The following FRMD3 variants were observed in gnomAD, a reference collection of about 807,000 sequenced individuals.
FRMD3 encodes FERM domain containing 3.
Under a neutral mutation model 70.2 loss-of-function variants are expected in FRMD3, and 33 were observed. That is an observed-to-expected ratio of 0.47 (90% CI 0.36 to 0.63). The LOEUF (loss-of-function observed/expected upper bound fraction) is 0.63, where lower values mean the gene tolerates loss of function less well. FRMD3 is among the 20% of genes least tolerant of loss of function. The probability of loss-of-function intolerance (pLI) is 0.00; values close to 1 mark genes in which losing one functional copy is unlikely to be tolerated. For missense variants in FRMD3, 632 were observed against 711.4 expected (o/e 0.89, Z 1.27); for synonymous variants, 279 against 255.9 (o/e 1.09, Z -0.86).
chr9:83,371,377 C>T (rs537099992), intron 3 of FRMD3, among the ~76,000 whole-genome samples: 33 of 151,746 alleles, frequency 2.2e-4, no homozygotes, highest in African/African-American at 7.3e-4. Context: ...AATGCAGTGG[C>T]ATGATCTCTG....
intron 1 of FRMD3, among the ~76,000 whole-genome samples, chr9:83,452,315 C>T (rs1827682915): frequency 6.6e-6 from 1 of 152,126 alleles, no homozygotes; most frequent in Non-Finnish European, 1.5e-5. Context: ...GTGCTCAAGC[C>T]CATGTGTGAG....
At chr9:83,485,847 G>C (rs1039045911) in intron 1 of FRMD3, among the ~76,000 whole-genome samples, 2 of 151,852 alleles carry the variant, frequency 1.3e-5, no homozygotes, top group Non-Finnish European at 2.9e-5. Flanking sequence ...GTAAAAATTA[G>C]GTGAACCTAA....
chr9:83,263,801 C>T (rs543357464), intron 13 of FRMD3, among the ~76,000 whole-genome samples: 1 of 152,228 alleles, frequency 6.6e-6, no homozygotes, highest in African/African-American at 2.4e-5. Context: ...TGGAAAGTAT[C>T]ATTCAAAATA....
chr9:83,389,930 G>A (rs567107239), intron 1 of FRMD3, among the ~76,000 whole-genome samples: 4 of 151,820 alleles, frequency 2.6e-5, no homozygotes, highest in East Asian at 1.9e-4. Context: ...ACACACACAC[G>A]GAACCAAAAG....
At chr9:83,272,462 C>G (rs60197392) in intron 13 of FRMD3, among the ~76,000 whole-genome samples, 32,207 of 151,820 alleles carry the variant, frequency 0.21, 4,051 homozygotes, top group African/African-American at 0.35. Flanking sequence ...GCTACAACCT[C>G]CACCTCCCAG....
At chr9:83,259,062 T>C (rs1011106151) in intron 13 of FRMD3, among the ~76,000 whole-genome samples, 1 of 152,194 alleles carries the variant, frequency 6.6e-6, no homozygotes, top group Non-Finnish European at 1.5e-5. Context: ...TAGAGGCTTT[T>C]ATAGATGCCA....
At chr9:83,480,496 A>AC (rs1431899821) in intron 1 of FRMD3, among the ~76,000 whole-genome samples, 5 of 143,024 alleles carry the variant, frequency 3.5e-5, no homozygotes, top group African/African-American at 1.3e-4. Context: ...TAAACTAGAG[A>AC]TTTTTTTTTT....
intron 6 of FRMD3, among the ~76,000 whole-genome samples, chr9:83,334,476 G>T (rs914173985): frequency 6.6e-6 from 1 of 152,078 alleles, no homozygotes; most frequent in South Asian, 2.1e-4. Context: ...TCCTCACACC[G>T]GGACAGTTGT....
intron 6 of FRMD3, among the ~76,000 whole-genome samples, chr9:83,322,157 C>G (rs1381723496): frequency 6.6e-6 from 1 of 152,164 alleles, no homozygotes; most frequent in African/African-American, 2.4e-5. Context: ...TGGATGTCCA[C>G]TCACATCTCA....
intron 13 of FRMD3, among the ~76,000 whole-genome samples, chr9:83,264,054 G>T (rs571081584): frequency 1.3e-5 from 2 of 152,132 alleles, no homozygotes; most frequent in Non-Finnish European, 2.9e-5. Flanking sequence ...TTTCAAAAAA[G>T]ACAAATGGTA....
At position 83,331,562 on chromosome 9, in the gene FRMD3, G is replaced by C. The variant is rs116927200; in HGVS notation, c.596+3954C>G. Among the ~76,000 whole-genome samples, 762 of 152,236 alleles carry C rather than the reference G, an allele frequency of 5.0e-3. 3 individuals are homozygous for C. Among genetic ancestry groups the C allele is most frequent in the South Asian group, 0.026 (123 of 4,816 alleles). On this transcript the variant is annotated intron_variant, in intron 6 of 13. Coordinates refer to ENST00000304195, the MANE Select transcript of FRMD3 (RefSeq NM_174938.6). ...CAAACCCATAGAGTGTACACCAAGA[G>C]TGAACTCTAATGTAAACTATCAACT...
At chr9:83,544,074 C>G in the FRMD3 span, among the ~76,000 whole-genome samples, 5 of 152,168 alleles carry the variant, frequency 3.3e-5, no homozygotes, top group African/African-American at 4.8e-5. Context: ...ACAGTGGCAG[C>G]ATTCCTGCAG....
intron 1 of FRMD3, among the ~76,000 whole-genome samples, chr9:83,479,431 AGAAG>A (rs1202298995): frequency 7.2e-5 from 4 of 55,622 alleles, no homozygotes; most frequent in Non-Finnish European, 1.5e-4. Context: ...AAGGAGGGAA[AGAAG>A]GAAGGAAGGG....
chr9:83,249,229 C>G (rs1215362674), intron 13 of FRMD3, among the ~76,000 whole-genome samples: 1 of 152,036 alleles, frequency 6.6e-6, no homozygotes, highest in Non-Finnish European at 1.5e-5. Context: ...TTTTTCCCCT[C>G]TTGTTTTAGT....
intron 1 of FRMD3, among the ~76,000 whole-genome samples, chr9:83,434,604 C>A (rs1056221336): frequency 6.6e-6 from 1 of 152,140 alleles, no homozygotes; most frequent in Admixed American, 6.6e-5. Flanking sequence ...CTTTTAAAAG[C>A]AAACTAGCTC....
chr9:83,498,341 C>A (rs1294434515), intron 1 of FRMD3, among the ~76,000 whole-genome samples: 1 of 152,148 alleles, frequency 6.6e-6, no homozygotes, highest in African/African-American at 2.4e-5. Context: ...AAACTTGACA[C>A]AGAAAATCAA....
At chr9:83,404,977 A>C (rs1826058265) in intron 1 of FRMD3, among the ~76,000 whole-genome samples, 1 of 152,194 alleles carries the variant, frequency 6.6e-6, no homozygotes, top group South Asian at 2.1e-4. Context: ...AGGTATCCTT[A>C]AGACTCACAA....
At chr9:83,441,522 C>A (rs948146934) in intron 1 of FRMD3, among the ~76,000 whole-genome samples, 2 of 152,080 alleles carry the variant, frequency 1.3e-5, no homozygotes, top group African/African-American at 4.8e-5. Context: ...ATTAAAAGCT[C>A]AAGGGCACTG....
chr9:83,291,264 G>T (rs1463915634), intron 12 of FRMD3, among the ~76,000 whole-genome samples: 3 of 152,192 alleles, frequency 2.0e-5, no homozygotes, highest in African/African-American at 7.2e-5. Flanking sequence ...AACTGGCCAT[G>T]GCTCTGTTTT....
Sources: allele counts gnomAD v4.1 joint callset (sites outside exome capture counted in the v4.1 genomes callset), GRCh38; gene constraint gnomAD v4.1.1; transcripts MANE v1.5; gene names NCBI Gene and HGNC (gene_info 2026-07-23, HGNC 2026-07-21).